CFAP53: variants seen among roughly 807,000 people sequenced by gnomAD.
CFAP53 encodes the protein cilia and flagella associated protein 53.
A neutral mutation model predicts 59.7 loss-of-function variants in CFAP53; 62 were observed. The ratio of observed to expected loss-of-function variants is 1.04; its 90% CI spans 0.85 to 1.28. The LOEUF is 1.28. Ranked by LOEUF, CFAP53 falls within the 50% of genes most tolerant of loss-of-function variation. The probability of loss-of-function intolerance (pLI) is 0.00; values close to 1 mark genes in which losing one functional copy is unlikely to be tolerated. For missense variants in CFAP53, 629 were observed against 615.6 expected (o/e 1.02, Z -0.23); for synonymous variants, 218 against 205.7 (o/e 1.06, Z -0.51).
intron 3 of CFAP53, 77 bp downstream of exon 3, chr18:50,260,987 A>G (rs1358784438): frequency 1.4e-6 from 2 of 1,434,700 alleles, no homozygotes; most frequent in East Asian, 4.6e-5. Flanking sequence ...AGACTAATTT[A>G]CTTTAAATTA....
chr18:50,264,471 T>C (rs2033919719), intron 1 of CFAP53, among the ~76,000 whole-genome samples: 1 of 152,216 alleles, frequency 6.6e-6, no homozygotes, highest in African/African-American at 2.4e-5. Context: ...AAAATAAGTA[T>C]CCTCCTAATG....
chr18:50,233,836 C>T (rs2033605453), intron 7 of CFAP53, among the ~76,000 whole-genome samples: 1 of 152,192 alleles, frequency 6.6e-6, no homozygotes, highest in African/African-American at 2.4e-5. Flanking sequence ...ACTAACAAGC[C>T]TGATACTCTG....
rs751267111 is a variant in CFAP53 at position 50,250,951 on chromosome 18, T to C, written c.803A>G (p.His268Arg). The C allele has an allele frequency of 1.2e-6, 2 of 1,614,164 alleles. No individual in the cohort carries two copies. Among genetic ancestry groups the C allele is most frequent in the South Asian group, 1.1e-5 (1 of 91,084 alleles). ...LVESNNAQIK[H>R]ENEQDMLKKQ... ...CTTTAGCATATCCTGTTCATTCTCA[T>C]GTTTAATCTGTGCGTTGTTACTTTC... is the stretch of plus-strand genomic sequence containing the variant. The change falls in exon 5 of 8, where the codon CAT becomes CGT. Residue 268 changes from histidine to arginine, a missense_variant. Coordinates refer to ENST00000398545, the MANE Select transcript of CFAP53 (RefSeq NM_145020.5).
chr18:50,239,014 C>T (rs1274422615), intron 6 of CFAP53, among the ~76,000 whole-genome samples: 3 of 150,186 alleles, frequency 2.0e-5, no homozygotes, highest in Middle Eastern at 3.5e-3. Context: ...CAGTTCATTG[C>T]CATTCATATT....
At chr18:50,252,130 G>C (rs533956852) in intron 3 of CFAP53, among the ~76,000 whole-genome samples, 1 of 150,890 alleles carries the variant, frequency 6.6e-6, no homozygotes, top group South Asian at 2.1e-4. Flanking sequence ...TTGAGACAGA[G>C]TCTCGCTCTG....
At chr18:50,240,394 C>A (rs1228282178) in intron 6 of CFAP53, among the ~76,000 whole-genome samples, 1 of 152,204 alleles carries the variant, frequency 6.6e-6, no homozygotes, top group Non-Finnish European at 1.5e-5. Flanking sequence ...TTTTTCCTGC[C>A]AAACCACTCA....
At chr18:50,230,454 C>T (rs1049078665) in intron 7 of CFAP53, among the ~76,000 whole-genome samples, 3 of 152,186 alleles carry the variant, frequency 2.0e-5, no homozygotes, top group Admixed American at 6.5e-5. Context: ...ATGGTGCACC[C>T]GCAGAGAGCA....
chr18:50,261,548 A>G (rs568440328), intron 2 of CFAP53, among the ~76,000 whole-genome samples: 6 of 151,982 alleles, frequency 3.9e-5, no homozygotes, highest in East Asian at 1.9e-4. Flanking sequence ...AGGTGCCCCT[A>G]TGCCCAGCTG....
intron 3 of CFAP53, among the ~76,000 whole-genome samples, chr18:50,259,855 A>G (rs1032486936): frequency 2.6e-5 from 4 of 152,218 alleles, no homozygotes; most frequent in Admixed American, 2.6e-4. Context: ...CAGCCAAATA[A>G]CAGCAATTCT....
chr18:50,261,664 T>A (rs767497623), intron 2 of CFAP53, among the ~76,000 whole-genome samples: 15 of 152,144 alleles, frequency 9.9e-5, no homozygotes, highest in Non-Finnish European at 1.9e-4. Context: ...AGTGGTAGGA[T>A]TATAGGTATG....
chr18:50,235,546 CAAG>C (rs1421257122), intron 7 of CFAP53, among the ~76,000 whole-genome samples: 1 of 135,200 alleles, frequency 7.4e-6, no homozygotes, highest in Non-Finnish European at 1.7e-5. Context: ...CCAGCCTTGA[CAAG>C]AGCGAAATTC....
intron 6 of CFAP53, among the ~76,000 whole-genome samples, chr18:50,241,121 T>A (rs1160356697): frequency 6.6e-6 from 1 of 152,214 alleles, no homozygotes; most frequent in East Asian, 1.9e-4. Flanking sequence ...GGCCAGGGAT[T>A]TCCAAGAGAC....
chr18:50,251,698 T>C lies in CFAP53; in HGVS notation c.560A>G (p.Asn187Ser), dbSNP rs1257214921. 1.2e-6 allele frequency: 2 copies of C among 1,614,220 alleles called. No homozygotes were observed. Among genetic ancestry groups the C allele is most frequent in the African/African-American group, 1.3e-5 (1 of 75,058 alleles). ...CAGCTTTTGCCTGCTCAGCTCCTCA[T>C]TAAATGCAATCTGTGCTTTCCGCTC... is the stretch of plus-strand genomic sequence containing the variant. ...CEERKAQIAF[N>S]EELSRQKLVE... Residue 187 changes from asparagine to serine, a missense_variant, in exon 4 of 8, where the codon AAT (asparagine) becomes AGT (serine). Physicochemically the swap from Asn to Ser is conservative, Grantham distance 46 (BLOSUM62 1). Transcript: ENST00000398545.
At chr18:50,233,764 T>C (rs1241020296) in intron 7 of CFAP53, among the ~76,000 whole-genome samples, 1 of 152,242 alleles carries the variant, frequency 6.6e-6, no homozygotes, top group Non-Finnish European at 1.5e-5. Flanking sequence ...GATATGCCCA[T>C]GCGGACAGGC....
At chr18:50,251,269 A>C (rs1373668455) in intron 4 of CFAP53, among the ~76,000 whole-genome samples, 1 of 152,144 alleles carries the variant, frequency 6.6e-6, no homozygotes, top group Non-Finnish European at 1.5e-5. Context: ...ACCATTCTCC[A>C]CCTGTGGGTG....
In CFAP53 at chr18:50,227,416, T is replaced by C. The variant is rs754778735; in HGVS notation, c.1510A>G (p.Met504Val). The C allele has an allele frequency of 6.2e-6, 10 of 1,614,084 alleles. No individual in the cohort carries two copies. The highest frequency in any genetic ancestry group is 2.2e-5 in the East Asian group (1 of 44,882). The change falls in exon 8 of 8, where the codon ATG (methionine) becomes GTG (valine). Residue 504 changes from methionine (M) to valine (V), a missense_variant. Physicochemically the swap from Met to Val is conservative, Grantham distance 21. Transcript: ENST00000398545. The part of the protein sequence containing the change: ...HQVLPQNIHP[M>V]RKACPSKLPP ...AGCTTACTGGGGCATGCCTTGCGCATGGGATGAATGTTTTGAGGCAGCACT... is the reference window on the plus strand; with the variant it reads ...AGCTTACTGGGGCATGCCTTGCGCACGGGATGAATGTTTTGAGGCAGCACT...
chr18:50,259,547 C>A (rs534344514), intron 3 of CFAP53, among the ~76,000 whole-genome samples: 2 of 151,538 alleles, frequency 1.3e-5, no homozygotes, highest in African/African-American at 2.4e-5. Flanking sequence ...TTTGATAGCA[C>A]AACAGGATGA....
rs1327506506 is a variant in CFAP53 at position 50,227,523 on chromosome 18, T to C, written c.1403A>G (p.Glu468Gly). ...QQQSQEAEKE[E>G]KRREFEAGVA... is the part of the protein sequence containing the mutation. The stretch of plus-strand genomic sequence containing the variant: ...ACCTGCTTCAAACTCTCGGCGTTTC[T>C]CTTCCTTCTCTGCTTCTTGGGACTG... The change falls in exon 8 of 8, where the codon GAG (glutamate) becomes GGG (glycine). Residue 468 changes from glutamate (E) to glycine (G), a missense_variant. By Grantham distance (98) the Glu-to-Gly change is moderately conservative (BLOSUM62 -2). Transcript: ENST00000398545. The C allele has an allele frequency of 6.2e-7, 1 of 1,614,240 alleles. No homozygotes were observed. Among genetic ancestry groups the C allele is most frequent in the South Asian group, 1.1e-5 (1 of 91,090 alleles).
chr18:50,237,552 A>C (rs892941440), intron 7 of CFAP53, among the ~76,000 whole-genome samples: 25 of 151,346 alleles, frequency 1.7e-4, no homozygotes, highest in Non-Finnish European at 1.2e-4. Context: ...AGAAGAGCTA[A>C]TTTCTATGCA....
Sources: allele counts gnomAD v4.1 joint callset (sites outside exome capture counted in the v4.1 genomes callset), GRCh38; gene constraint gnomAD v4.1.1; transcripts MANE v1.5; gene names NCBI Gene and HGNC (gene_info 2026-07-23, HGNC 2026-07-21).